PRUNE2: variants seen among roughly 807,000 people sequenced by gnomAD.
PRUNE2 encodes prune homolog 2 with BCH domain.
Under a neutral mutation model 252.0 loss-of-function variants are expected in PRUNE2, and 164 were observed. That is an observed-to-expected ratio of 0.65 (90% CI 0.57 to 0.74). The LOEUF (loss-of-function observed/expected upper bound fraction) is 0.74, where lower values mean the gene tolerates loss of function less well. Among genes scored for constraint, PRUNE2 ranks in the 30% least tolerant of loss-of-function variants. The pLI, the probability that PRUNE2 is intolerant of heterozygous loss-of-function variation, is 0.00. For synonymous variants in PRUNE2, 1,292 were observed against 1,350.2 expected (o/e 0.96, Z 0.94); for missense variants, 3,495 against 3,711.0 (o/e 0.94, Z 1.51).
intron 6 of PRUNE2, among the ~76,000 whole-genome samples, chr9:76,794,179 GTA>G (rs899535753): frequency 3.9e-5 from 6 of 152,248 alleles, no homozygotes; most frequent in Non-Finnish European, 7.4e-5. Flanking sequence ...AGGTTTTTAA[GTA>G]TCTTTTTCAC....
At chr9:76,694,127 T>G (rs894308712) in intron 9 of PRUNE2, among the ~76,000 whole-genome samples, 3 of 152,180 alleles carry the variant, frequency 2.0e-5, no homozygotes, top group Admixed American at 2.0e-4. Flanking sequence ...AGGCAGCAAC[T>G]GAAGGCTACA....
At chr9:76,763,189 A>C (rs1425295706) in intron 6 of PRUNE2, among the ~76,000 whole-genome samples, 1 of 152,212 alleles carries the variant, frequency 6.6e-6, no homozygotes, top group East Asian at 1.9e-4. Flanking sequence ...CCTGCACTGG[A>C]AGTCAAGTCA....
intron 7 of PRUNE2, among the ~76,000 whole-genome samples, chr9:76,711,890 G>A (rs1280489584): frequency 6.6e-6 from 1 of 152,164 alleles, no homozygotes; most frequent in Admixed American, 6.5e-5. Context: ...GGACCCCTCA[G>A]TCCCTTTCAC....
chr9:76,862,684 T>C (rs996003963), intron 1 of PRUNE2: 1 of 152,212 alleles, frequency 6.6e-6, no homozygotes, highest in Non-Finnish European at 1.5e-5. Context: ...TCATAAAATA[T>C]GTTCATTATA....
At chr9:76,788,610 A>G in intron 6 of PRUNE2, 1 of 666,556 alleles carries the variant, frequency 1.5e-6, no homozygotes, top group East Asian at 2.7e-5. Context: ...CACTTAAAGC[A>G]GTGCTTGACA....
At chr9:76,826,872 C>T in intron 4 of PRUNE2, 140 bp from the exon 5 acceptor site, 1 of 606,746 alleles carries the variant, frequency 1.6e-6, no homozygotes, top group Non-Finnish European at 2.8e-6. Flanking sequence ...CCACACGTAA[C>T]ATTCAAGAGC....
intron 9 of PRUNE2, among the ~76,000 whole-genome samples, chr9:76,675,500 A>G (rs1368852744): frequency 1.9e-3 from 87 of 45,094 alleles, no homozygotes; most frequent in South Asian, 0.013. Context: ...TGTGGAAGTC[A>G]GTGTGGCGAT....
At chr9:76,626,810 A>T (rs767286855) in intron 16 of PRUNE2, among the ~76,000 whole-genome samples, 4 of 152,182 alleles carry the variant, frequency 2.6e-5, no homozygotes, top group Non-Finnish European at 4.4e-5. Context: ...CCATTCCAGG[A>T]AGTGCAACTT....
At chr9:76,894,716 G>GAAAAAAAAAAAAAAAAAAAAAAAAA (rs1170899729) in intron 1 of PRUNE2, among the ~76,000 whole-genome samples, 2 of 110,696 alleles carry the variant, frequency 1.8e-5, no homozygotes, top group African/African-American at 8.9e-5. Context: ...ATTTTCTGCA[G>GAAAAAAAAAAAAAAAAAAAAAAAAA]CAAAAAAAAA....
chr9:76,843,857 T>C (rs1416459029), intron 4 of PRUNE2, among the ~76,000 whole-genome samples: 1 of 151,518 alleles, frequency 6.6e-6, no homozygotes. Flanking sequence ...GCCTCCCAAG[T>C]AGCTGGGATT....
chr9:76,681,377 C>T (rs1342269305), intron 9 of PRUNE2, among the ~76,000 whole-genome samples: 2 of 151,112 alleles, frequency 1.3e-5, no homozygotes, highest in Admixed American at 6.6e-5. Context: ...GTGAATGTAC[C>T]TACCATAACT....
chr9:76,886,889 G>A (rs1455244592), intron 1 of PRUNE2, among the ~76,000 whole-genome samples: 3 of 152,008 alleles, frequency 2.0e-5, no homozygotes, highest in Non-Finnish European at 4.4e-5. Context: ...TGGTGGTTTG[G>A]GGATTCCCAA....
At chr9:76,663,159 C>T (rs1392547712) in intron 9 of PRUNE2, among the ~76,000 whole-genome samples, 2 of 152,172 alleles carry the variant, frequency 1.3e-5, no homozygotes, top group South Asian at 4.1e-4. Flanking sequence ...TCACACTTTG[C>T]CTAATCAAGC....
chr9:76,829,392 G>C (rs989332451), intron 4 of PRUNE2, among the ~76,000 whole-genome samples: 2 of 152,202 alleles, frequency 1.3e-5, no homozygotes, highest in South Asian at 2.1e-4. Context: ...CAGAAAAGGA[G>C]TTTTAGTTAA....
chr9:76,616,716 G>T (rs1003240986), intron 18 of PRUNE2, among the ~76,000 whole-genome samples: 8 of 152,270 alleles, frequency 5.3e-5, no homozygotes, highest in East Asian at 1.9e-4. Context: ...CAATTTTCTT[G>T]TAAGTAAATA....
chr9:76,850,340 A>G (rs886272972), intron 3 of PRUNE2, 123 bp downstream of exon 3: 4 of 754,502 alleles, frequency 5.3e-6, no homozygotes, highest in Non-Finnish European at 8.8e-6. Flanking sequence ...AGCCACCATG[A>G]CCAGCATGTC....
intron 6 of PRUNE2, among the ~76,000 whole-genome samples, chr9:76,720,755 C>A (rs906711103): frequency 6.6e-6 from 1 of 152,152 alleles, no homozygotes; most frequent in South Asian, 2.1e-4. Context: ...ATAATAATCA[C>A]ACACATCTTT....
chr9:76,853,671 T>C (rs910931369), intron 2 of PRUNE2, among the ~76,000 whole-genome samples: 5 of 152,234 alleles, frequency 3.3e-5, no homozygotes, highest in African/African-American at 1.2e-4. Flanking sequence ...CTCTAGCCAA[T>C]GTGCTCTGCC....
At chr9:76,735,028 GC>G (rs1174683168) in intron 6 of PRUNE2, among the ~76,000 whole-genome samples, 2 of 152,150 alleles carry the variant, frequency 1.3e-5, no homozygotes, top group Non-Finnish European at 2.9e-5. Context: ...GCTACCCAGA[GC>G]CATCCTGGGG....
Sources: gnomAD v4.1 joint callset for allele counts (sites outside exome capture counted in the v4.1 genomes callset) on GRCh38, gnomAD v4.1.1 for gene constraint, MANE v1.5 for transcripts, NCBI Gene and HGNC (gene_info 2026-07-23, HGNC 2026-07-21) for gene names.